The following THAP4 variants were observed in gnomAD, a reference collection of about 807,000 sequenced individuals.
THAP4 encodes the protein peroxynitrite isomerase THAP4.
In THAP4, 18 loss-of-function variants were observed where a neutral mutation model predicts 48.1. That is an observed-to-expected ratio of 0.37 (90% CI 0.26 to 0.56). The LOEUF is 0.56. Ranked by LOEUF, THAP4 falls within the 20% of genes least tolerant of loss-of-function variation. The pLI, the probability that THAP4 is intolerant of heterozygous loss-of-function variation, is 0.78. For missense variants in THAP4, 656 were observed against 774.9 expected (o/e 0.85, Z 1.82); for synonymous variants, 345 against 324.9 (o/e 1.06, Z -0.66).
rs1295378657 is a variant in THAP4, at chr2:241,603,065, T to C, written c.1415A>G (p.His472Arg). The C allele has an allele frequency of 6.2e-7, 1 of 1,613,508 alleles. No homozygotes were observed. Among genetic ancestry groups the C allele is most frequent in the Non-Finnish European group, 8.5e-7 (1 of 1,179,852 alleles). ...PMLNFSFNSF[H>R]PDTRKPMHRE... ...GTGCATCGGCTTGCGCGTGTCCGGG[T>C]GGAAGGAGTTGAACCTGGACGGGAA... is the stretch of plus-strand genomic sequence containing the variant. The change falls in exon 4 of 6, where the codon CAC becomes CGC. Residue 472 changes from histidine (H) to arginine (R), a missense_variant. His to Arg is a conservative substitution (Grantham distance 29). Transcript: ENST00000407315.
intron 2 of THAP4, among the ~76,000 whole-genome samples, chr2:241,631,856 C>A (rs1283600156): frequency 6.6e-6 from 1 of 151,638 alleles, no homozygotes; most frequent in African/African-American, 2.4e-5. Context: ...TCTATTTCTG[C>A]AGTTTTAATT....
intron 2 of THAP4, among the ~76,000 whole-genome samples, chr2:241,632,587 C>T (rs1445294047): frequency 6.6e-6 from 1 of 152,214 alleles, no homozygotes. Context: ...TCTGGAATTT[C>T]TGTTGCATAA....
At chr2:241,632,875 T>TA (rs1238147965) in intron 2 of THAP4, 42 bp downstream of exon 2, 4 of 1,473,340 alleles carry the variant, frequency 2.7e-6, no homozygotes, top group African/African-American at 2.8e-5. Flanking sequence ...AAACCCCTCC[T>TA]AACGGGAAGG....
At position 241,612,293 on chromosome 2, in the gene THAP4, G is replaced by C. The variant is rs1023397901; in HGVS notation, c.1241-5820C>G. On this transcript the variant is annotated intron_variant, in intron 2 of 5. Coordinates refer to ENST00000407315, the MANE Select transcript of THAP4 (RefSeq NM_015963.6). The surrounding 1 kb of genome is among the most constrained non-coding windows in gnomAD (Gnocchi z 4.1). Reference sequence around the variant, plus strand: ...CAAAAGATAGAGAAATGGAAACAAAGTTAGAAGGACGGGAACGCCTGGCAC... The same window carrying C: ...CAAAAGATAGAGAAATGGAAACAAACTTAGAAGGACGGGAACGCCTGGCAC... 6.6e-6 allele frequency among the ~76,000 whole-genome samples: 1 copy of C among 152,188 alleles called. No homozygotes were observed. Among genetic ancestry groups the C allele is most frequent in the African/African-American group, 2.4e-5 (1 of 41,444 alleles).
intron 2 of THAP4, among the ~76,000 whole-genome samples, chr2:241,625,146 C>T (rs1033241995): frequency 2.6e-5 from 4 of 152,174 alleles, no homozygotes; most frequent in South Asian, 4.2e-4. Context: ...TTCTGTGTGT[C>T]CAGCAGGGCC....
chr2:241,632,805 G>A, intron 2 of THAP4, 112 bp downstream of exon 2: 3 of 792,508 alleles, frequency 3.8e-6, no homozygotes, highest in Non-Finnish European at 5.9e-6. Context: ...CCTCCTGAGA[G>A]CGCAGGGAGC....
At chr2:241,600,939 T>TTAA (rs2067105349) in intron 5 of THAP4, among the ~76,000 whole-genome samples, 1 of 150,632 alleles carries the variant, frequency 6.6e-6, no homozygotes, top group African/African-American at 2.5e-5. Flanking sequence ...AGACAACAGA[T>TTAA]TAACCCATGG....
chr2:241,635,807 A>G (rs141940632), intron 1 of THAP4, among the ~76,000 whole-genome samples: 4,818 of 152,146 alleles, frequency 0.032, 246 homozygotes, highest in African/African-American at 0.11. Flanking sequence ...CCAGGCCCTA[A>G]TGTGCACATA....
intron 2 of THAP4, among the ~76,000 whole-genome samples, chr2:241,607,598 C>T (rs183106875): frequency 6.0e-5 from 9 of 151,144 alleles, no homozygotes; most frequent in Admixed American, 2.6e-4. Context: ...GCTCTGTGGC[C>T]GCACAAGCCT....
In THAP4 at chr2:241,610,611, G is replaced by C. The variant is rs2067258010; in HGVS notation, c.1241-4138C>G. Among the ~76,000 whole-genome samples, 1 of 152,060 alleles carries C rather than the reference G, an allele frequency of 6.6e-6. No individual in the cohort carries two copies. The highest frequency in any genetic ancestry group is 2.4e-5 in the African/African-American group (1 of 41,422). On this transcript the variant is annotated intron_variant, in intron 2 of 5. Transcript: ENST00000407315. The surrounding 1 kb of genome is among the most constrained non-coding windows in gnomAD (Gnocchi z 4.2). Reference sequence around the variant, plus strand: ...CCCACTCCTGCTTCCCCAGCCACGGGGTCTTCTCCCGGCCCCTCATCTACT... The same window carrying C: ...CCCACTCCTGCTTCCCCAGCCACGGCGTCTTCTCCCGGCCCCTCATCTACT...
intron 5 of THAP4, among the ~76,000 whole-genome samples, chr2:241,588,815 G>T (rs1281156606): frequency 6.6e-6 from 1 of 152,142 alleles, no homozygotes; most frequent in African/African-American, 2.4e-5. Flanking sequence ...AAAACTTCTT[G>T]AAGAAAATGC....
At chr2:241,624,455 C>A (rs2067472060) in intron 2 of THAP4, among the ~76,000 whole-genome samples, 1 of 151,812 alleles carries the variant, frequency 6.6e-6, no homozygotes. Context: ...CCACTGTACT[C>A]CAGCCTGGCA....
intron 2 of THAP4, among the ~76,000 whole-genome samples, chr2:241,627,631 G>A (rs1348151555): frequency 2.0e-5 from 3 of 152,192 alleles, no homozygotes; most frequent in Admixed American, 6.5e-5. Context: ...AGTGTGCGGC[G>A]CTTTCCACAT....
intron 5 of THAP4, among the ~76,000 whole-genome samples, chr2:241,600,919 C>A (rs901195697): frequency 2.0e-5 from 3 of 151,024 alleles, no homozygotes; most frequent in Non-Finnish European, 4.4e-5. Flanking sequence ...GTATGTGTCA[C>A]AAATAAAGCA....
intron 3 of THAP4, among the ~76,000 whole-genome samples, chr2:241,604,505 C>T (rs1385386703): frequency 6.6e-6 from 1 of 152,086 alleles, no homozygotes; most frequent in Non-Finnish European, 1.5e-5. Flanking sequence ...CCCACCTCAG[C>T]CTCTCAAAGT....
At chr2:241,609,237 T>G (rs1488402465) in intron 2 of THAP4, among the ~76,000 whole-genome samples, 1 of 152,130 alleles carries the variant, frequency 6.6e-6, no homozygotes, top group Admixed American at 6.5e-5. Flanking sequence ...TGCTGATGGT[T>G]TGGATGTGAA....
In THAP4 at chr2:241,633,070, G is replaced by C. The variant is rs756938697; in HGVS notation, c.1087C>G (p.Arg363Gly). The C allele has an allele frequency of 6.2e-7, 1 of 1,613,922 alleles. No homozygotes were observed. Among genetic ancestry groups the C allele is most frequent in the Non-Finnish European group, 8.5e-7 (1 of 1,180,002 alleles). ...RQNKSQVCCL[R>G]EQVEKKNGEL... ...CCGTTCTTCTTCTCCACCTGCTCCCGCAGGCAGCACACCTGGCTCTTGTTC... is the reference window on the plus strand; with the variant it reads ...CCGTTCTTCTTCTCCACCTGCTCCCCCAGGCAGCACACCTGGCTCTTGTTC... Residue 363 changes from arginine to glycine, a missense_variant, in exon 2 of 6, where the codon CGG (arginine) becomes GGG (glycine). By Grantham distance (125) the Arg-to-Gly change is moderately radical. Around this residue, in one of 4 missense-constraint regions of THAP4, gnomAD observed 391 missense variants for 412.4 expected, o/e 0.95. Transcript: ENST00000407315. This position sits in a 1 kb window ranked among gnomAD's most constrained non-coding sequence, Gnocchi z 7.5.
intron 5 of THAP4, among the ~76,000 whole-genome samples, chr2:241,587,944 T>C (rs1469943281): frequency 7.2e-6 from 1 of 139,808 alleles, no homozygotes; most frequent in Non-Finnish European, 1.5e-5. Flanking sequence ...CACTAGAGAA[T>C]AGCCACTCTA....
intron 2 of THAP4, among the ~76,000 whole-genome samples, chr2:241,623,635 A>T (rs948862639): frequency 1.3e-5 from 2 of 148,818 alleles, no homozygotes; most frequent in East Asian, 2.0e-4. Flanking sequence ...GATATCATTT[A>T]AAAAAAAAAG....
Sources: allele counts gnomAD v4.1 joint callset (sites outside exome capture counted in the v4.1 genomes callset), GRCh38; gene constraint gnomAD v4.1.1; regional missense constraint gnomAD v4.1.1; non-coding constraint Gnocchi (gnomAD v3.1); transcripts MANE v1.5; gene names NCBI Gene and HGNC (gene_info 2026-07-23, HGNC 2026-07-21).